The following TPRA1 variants were observed in gnomAD, a reference collection of about 807,000 sequenced individuals.
TPRA1 encodes transmembrane protein adipocyte associated 1.
TPRA1 carries 28 observed loss-of-function variants against 40.1 expected under a neutral mutation model. The observed-to-expected ratio is 0.70, with a 90% CI of 0.52 to 0.96. TPRA1 has a LOEUF of 0.96. Ranked by LOEUF, TPRA1 falls within the 40% of genes least tolerant of loss-of-function variation. The pLI, the probability that TPRA1 is intolerant of heterozygous loss-of-function variation, is 0.00. For synonymous variants in TPRA1, 219 were observed against 209.7 expected, an observed-to-expected ratio of 1.04 and a Z score of -0.38; for missense variants, 441 against 482.6, an observed-to-expected ratio of 0.91 and a Z score of 0.81.
intron 1 of TPRA1, among the ~76,000 whole-genome samples, chr3:127,597,777 A>C (rs1430693891): frequency 3.3e-5 from 5 of 151,782 alleles, no homozygotes; most frequent in Non-Finnish European, 7.4e-5. Context: ...AGACGGTAAG[A>C]AGCGTCAGAA....
In TPRA1 at chr3:127,576,764, C is replaced by T; in HGVS notation, c.418+57G>A. 4 of 1,612,562 alleles carry T rather than the reference C, an allele frequency of 2.5e-6. No homozygotes were observed. The highest frequency in any genetic ancestry group is 1.7e-5 in the Admixed American group (1 of 59,808). On this transcript the variant is annotated intron_variant, in intron 5 of 10. Transcript: ENST00000355552. The surrounding 1 kb of genome is among the most constrained non-coding windows in gnomAD (Gnocchi z 4.6). ...TGACCACTCCAGAGTCAGCCCACAG[C>T]CAGGGAGGGGCAGGGGAGAGCATCG...
intron 10 of TPRA1, among the ~76,000 whole-genome samples, 190 bp from the exon 11 acceptor site, chr3:127,573,978 C>A (rs1241287087): frequency 6.6e-6 from 1 of 152,226 alleles, no homozygotes; most frequent in African/African-American, 2.4e-5. Context: ...CCCTCCTCCC[C>A]CTGGCTGTGT....
Sources: allele counts gnomAD v4.1 joint callset (sites outside exome capture counted in the v4.1 genomes callset), GRCh38; gene constraint gnomAD v4.1.1; non-coding constraint Gnocchi (gnomAD v3.1); transcripts MANE v1.5; gene names NCBI Gene and HGNC (gene_info 2026-07-23, HGNC 2026-07-21).